The following EPM2A variants were observed in gnomAD, a reference collection of about 807,000 sequenced individuals.
EPM2A encodes the protein EPM2A glucan phosphatase, laforin.
EPM2A carries 21 observed loss-of-function variants against 26.5 expected under a neutral mutation model. The ratio of observed to expected loss-of-function variants is 0.79; its 90% CI spans 0.56 to 1.14. EPM2A has a LOEUF of 1.14. EPM2A is among the 50% of genes most tolerant of loss of function. The pLI is 0.00. For missense variants in EPM2A, 458 were observed against 440.8 expected (o/e 1.04, Z -0.35); for synonymous variants, 217 against 177.6 (o/e 1.22, Z -1.76).
At chr6:145,415,681 C>A (rs1228040337) in intron 4 of EPM2A, among the ~76,000 whole-genome samples, 1 of 152,136 alleles carries the variant, frequency 6.6e-6, no homozygotes, top group African/African-American at 2.4e-5. Context: ...TTACACTTTA[C>A]AAAGTACTGT....
At chr6:145,605,325 T>A (rs1468678718) in intron 2 of EPM2A, among the ~76,000 whole-genome samples, 1 of 152,184 alleles carries the variant, frequency 6.6e-6, no homozygotes, top group Non-Finnish European at 1.5e-5. Flanking sequence ...TGTTCTTACC[T>A]GAGTATTTAA....
chr6:145,688,364 T>G (rs184525989), intron 1 of EPM2A, among the ~76,000 whole-genome samples: 1 of 152,250 alleles, frequency 6.6e-6, no homozygotes, highest in African/African-American at 2.4e-5. Context: ...GGTGATTAAT[T>G]GGAAAAGGAA....
chr6:145,453,855 G>A (rs1256089817), intron 4 of EPM2A, among the ~76,000 whole-genome samples: 3 of 152,284 alleles, frequency 2.0e-5, no homozygotes, highest in African/African-American at 7.2e-5. Context: ...CTTTGAGGGA[G>A]TATTGTGTTC....
intron 2 of EPM2A, among the ~76,000 whole-genome samples, chr6:145,614,070 G>T (rs1775454593): frequency 6.6e-6 from 1 of 152,200 alleles, no homozygotes. Context: ...TAGTGTACCT[G>T]CCTTCACCAA....
At chr6:145,650,614 A>T (rs1292003386) in intron 2 of EPM2A, among the ~76,000 whole-genome samples, 1 of 152,092 alleles carries the variant, frequency 6.6e-6, no homozygotes, top group Non-Finnish European at 1.5e-5. Context: ...AATCCTAGGA[A>T]ATTGTTTTTG....
chr6:145,735,055 C>T (rs950127850), intron 1 of EPM2A, 143 bp downstream of exon 1: 1 of 478,292 alleles, frequency 2.1e-6, no homozygotes, highest in South Asian at 4.6e-5. Flanking sequence ...CCAGGTCGCC[C>T]GGGGAGTGCG....
At chr6:145,676,863 G>A (rs1780081099) in intron 2 of EPM2A, among the ~76,000 whole-genome samples, 1 of 152,050 alleles carries the variant, frequency 6.6e-6, no homozygotes, top group Non-Finnish European at 1.5e-5. Flanking sequence ...AAGAGGAGCT[G>A]GTATCATTCC....
At chr6:145,727,639 T>C (rs992804153) in intron 1 of EPM2A, among the ~76,000 whole-genome samples, 8 of 152,224 alleles carry the variant, frequency 5.3e-5, no homozygotes, top group Admixed American at 2.0e-4. Context: ...CCTACACTCA[T>C]AGAGTTTACA....
chr6:145,393,884 C>T (rs1222474588), intron 4 of EPM2A, among the ~76,000 whole-genome samples: 3 of 151,010 alleles, frequency 2.0e-5, no homozygotes, highest in East Asian at 2.0e-4. Context: ...AGTGCAGTGG[C>T]GTGGTCTTGG....
chr6:145,494,849 G>C (rs192169175), intron 4 of EPM2A, among the ~76,000 whole-genome samples: 5 of 152,322 alleles, frequency 3.3e-5, no homozygotes, highest in African/African-American at 9.6e-5. Context: ...TGCTCAGAGA[G>C]ACTGTTTGTT....
rs532554007 is a variant in EPM2A, at chr6:145,626,651, C to T, written c.*765G>A. ...AATAAATATAGATTATTAACTCCAG[C>T]TTGCCCTTGACTGGTCATGAGACCT... On this transcript the variant is annotated 3_prime_UTR_variant, in exon 4 of 4. Transcript: ENST00000367519. The T allele has an allele frequency of 3.1e-6, 3 of 980,474 alleles. No homozygotes were observed. The highest frequency in any genetic ancestry group is 6.1e-5 in the Admixed American group (1 of 16,292). 60.7% of individuals were successfully genotyped at this position (980,474 alleles called of 1,614,324 possible).
At chr6:145,520,790 G>A (rs1020398442) in intron 2 of EPM2A, among the ~76,000 whole-genome samples, 2 of 152,188 alleles carry the variant, frequency 1.3e-5, no homozygotes, top group Non-Finnish European at 2.9e-5. Flanking sequence ...CAAGGGCCAT[G>A]GGGAGGATTG....
intron 2 of EPM2A, among the ~76,000 whole-genome samples, chr6:145,513,195 A>G (rs1780079287): frequency 6.6e-6 from 1 of 152,214 alleles, no homozygotes; most frequent in Non-Finnish European, 1.5e-5. Context: ...TAAGAAACTC[A>G]AACAACTCAA....
rs148678471 is a variant in EPM2A, at chr6:145,438,451, T to C, written c.556-54354A>G. Among the ~76,000 whole-genome samples, 502 of 142,984 alleles carry C rather than the reference T, an allele frequency of 3.5e-3. 6 individuals are homozygous for C. The highest frequency in any genetic ancestry group is 0.012 in the African/African-American group (471 of 37,896). 93.8% of individuals were successfully genotyped at this position (142,984 alleles called of 152,430 possible). A position where few individuals can be genotyped will look rare whatever the true frequency, so the allele number is the denominator to read the frequency against. ...GAGTTTAGGTATTCCCAGTGTAGATTCTCCTGAGAAGGGAATAATTTTTTT... is the reference window on the plus strand; with the variant it reads ...GAGTTTAGGTATTCCCAGTGTAGATCCTCCTGAGAAGGGAATAATTTTTTT... On this transcript the variant is annotated intron_variant, in intron 4 of 4. Coordinates refer to the EPM2A transcript ENST00000638717.
chr6:145,559,423 T>A (rs977603530), intron 2 of EPM2A, among the ~76,000 whole-genome samples: 1 of 152,134 alleles, frequency 6.6e-6, no homozygotes, highest in Non-Finnish European at 1.5e-5. Context: ...TTAGACTTGG[T>A]TTCTATTATC....
At chr6:145,680,384 T>TTTATTTATTTA (rs77278542) in intron 2 of EPM2A, among the ~76,000 whole-genome samples, 165 of 142,676 alleles carry the variant, frequency 1.2e-3, no homozygotes, top group African/African-American at 3.0e-3. Flanking sequence ...TATTTATTTA[T>TTTATTTATTTA]TTTATTTTAT....
chr6:145,718,821 C>G (rs941676121), intron 1 of EPM2A, among the ~76,000 whole-genome samples: 13 of 152,148 alleles, frequency 8.5e-5, no homozygotes, highest in African/African-American at 3.1e-4. Context: ...AGGACATGAA[C>G]AGACACTTCT....
At chr6:145,702,291 C>T (rs142123387) in intron 1 of EPM2A, among the ~76,000 whole-genome samples, 1 of 152,134 alleles carries the variant, frequency 6.6e-6, no homozygotes, top group Non-Finnish European at 1.5e-5. Context: ...CACCCTCTGT[C>T]GAAACTCTCC....
intron 4 of EPM2A, among the ~76,000 whole-genome samples, chr6:145,473,823 T>G (rs1396695639): frequency 6.6e-6 from 1 of 152,128 alleles, no homozygotes; most frequent in Non-Finnish European, 1.5e-5. Context: ...GAAAATATTC[T>G]TCAAACATGA....
Sources: gnomAD v4.1 joint callset for allele counts (sites outside exome capture counted in the v4.1 genomes callset) on GRCh38, gnomAD v4.1.1 for gene constraint, MANE v1.5 for transcripts, NCBI Gene and HGNC (gene_info 2026-07-23, HGNC 2026-07-21) for gene names.